TRMT44: variants seen among roughly 807,000 people sequenced by gnomAD.
The protein encoded by TRMT44 is tRNA methyltransferase 44 homolog, also known as probable tRNA (uracil-O(2)-)-methyltransferase.
Under a neutral mutation model 77.3 loss-of-function variants are expected in TRMT44, and 78 were observed. The observed-to-expected ratio is 1.01, with a 90% CI of 0.84 to 1.22. The LOEUF is 1.22. Ranked by LOEUF, TRMT44 falls within the 50% of genes most tolerant of loss-of-function variation. The pLI is 0.00. For synonymous variants in TRMT44, 391 were observed against 383.3 expected (o/e 1.02, Z -0.23); for missense variants, 1,090 against 964.4 (o/e 1.13, Z -1.73).
Position 8,490,714 on chromosome 4 carries a change from C to T in TRMT44, n.3892-2552C>T, listed in dbSNP as rs536610625. Reference sequence around the variant, plus strand: ...CAGTAGCAAGATTTATTGCAAAGAGCGAAAGAACAAAGCTTCCACAGTGTG... The same window carrying T: ...CAGTAGCAAGATTTATTGCAAAGAGTGAAAGAACAAAGCTTCCACAGTGTG... On this transcript the variant is annotated intron_variant and non_coding_transcript_variant, in intron 2 of 2. Transcript: ENST00000511366. Among the ~76,000 whole-genome samples the T allele has an allele frequency of 4.9e-4, 74 of 152,234 alleles. No individual in the cohort carries two copies. The South Asian group carries it at 6.4e-3, about 13-fold the overall frequency.
At chr4:8,485,781 A>G (rs527297471) in intron 2 of TRMT44, among the ~76,000 whole-genome samples, 1 of 152,272 alleles carries the variant, frequency 6.6e-6, no homozygotes, top group East Asian at 1.9e-4. Flanking sequence ...GAGGATAACT[A>G]AAAAAGAGTG....
At chr4:8,455,946 AAGTT>A (rs1371774783) in intron 6 of TRMT44, among the ~76,000 whole-genome samples, 1 of 152,250 alleles carries the variant, frequency 6.6e-6, no homozygotes, top group East Asian at 1.9e-4. Flanking sequence ...AATTCAGAAA[AAGTT>A]AGATATGTCC....
intron 6 of TRMT44, 37 bp downstream of exon 6, chr4:8,454,850 T>C: frequency 1.8e-5 from 28 of 1,590,620 alleles, no homozygotes; most frequent in Non-Finnish European, 2.4e-5. Flanking sequence ...GATCTCAGCA[T>C]GGCTTAGCTC....
At chr4:8,454,606 G>A (rs1328809564) in intron 5 of TRMT44, 136 bp from the exon 6 acceptor site, 2 of 740,652 alleles carry the variant, frequency 2.7e-6, no homozygotes, top group Non-Finnish European at 4.6e-6. Flanking sequence ...CATCAGGATG[G>A]GTATGAGTTG....
chr4:8,456,667 A>G (rs13129077), intron 6 of TRMT44, among the ~76,000 whole-genome samples: 8,823 of 152,284 alleles, frequency 0.058, 307 homozygotes, highest in Middle Eastern at 0.11. Context: ...GGATTGCTAC[A>G]AGAAAAGCAT....
At chr4:8,493,656 C>T (rs1445161707), downstream of TRMT44, 1 of 152,214 alleles carries the variant, frequency 6.6e-6, no homozygotes, top group Non-Finnish European at 1.5e-5. Context: ...GGTCTTCAGT[C>T]TATGTTGGAT....
intron 8 of TRMT44, among the ~76,000 whole-genome samples, chr4:8,465,791 G>A (rs1271640366): frequency 6.6e-6 from 1 of 152,154 alleles, no homozygotes; most frequent in African/African-American, 2.4e-5. Flanking sequence ...AGGAGTCCTC[G>A]CCAAGCCCTC....
chr4:8,446,548 G>A lies in TRMT44; in HGVS notation c.692G>A (p.Ser231Asn). The change falls in exon 2 of 11, where the codon AGC becomes AAC. Residue 231 changes from serine (S) to asparagine (N), a missense_variant. By Grantham distance (46) the Ser-to-Asn change is conservative. Coordinates refer to ENST00000389737, the MANE Select transcript of TRMT44 (RefSeq NM_152544.3). The surrounding 1 kb of genome is among the most constrained non-coding windows in gnomAD (Gnocchi z 4.3). ...DDEGNLKVKM[S>N]NVYQIQLSHS... ...GAGGGGAACCTAAAGGTTAAGATGA[G>A]CAATGTGTATCAAATTCAGCTCAGT... is the stretch of plus-strand genomic sequence containing the variant. 1.3e-6 allele frequency: 2 copies of A among 1,536,312 alleles called. No individual in the cohort carries two copies. The highest frequency in any genetic ancestry group is 1.7e-6 in the Non-Finnish European group (2 of 1,146,864).
chr4:8,442,696 C>G (rs1371866132), intron 1 of TRMT44, among the ~76,000 whole-genome samples: 1 of 152,194 alleles, frequency 6.6e-6, no homozygotes, highest in Non-Finnish European at 1.5e-5. Context: ...TTATGTAGGA[C>G]TGGGGTCCTT....
chr4:8,470,857 T>TG, intron 9 of TRMT44: 2 of 456,242 alleles, frequency 4.4e-6, no homozygotes, highest in Non-Finnish European at 8.0e-6. Context: ...GGGGCATGTG[T>TG]GGGGCTGCGT....
At chr4:8,506,089 C>A in the TRMT44 span, among the ~76,000 whole-genome samples, 30 of 152,340 alleles carry the variant, frequency 2.0e-4, 1 homozygote, top group African/African-American at 7.0e-4. Flanking sequence ...TAGTTGGGGA[C>A]GAGGGCTGTG....
chr4:8,510,349 A>G, the TRMT44 span: 1 of 152,730 alleles, frequency 6.5e-6, no homozygotes, highest in Non-Finnish European at 1.5e-5. Context: ...TTCCGCAGCC[A>G]TGTCCCCCTT....
At chr4:8,487,520 T>C (rs1727849001) in intron 2 of TRMT44, among the ~76,000 whole-genome samples, 1 of 148,220 alleles carries the variant, frequency 6.7e-6, no homozygotes. Flanking sequence ...AAATAAGGGA[T>C]TGGGGTGTAG....
intron 2 of TRMT44, among the ~76,000 whole-genome samples, chr4:8,491,050 G>T (rs1171501898): frequency 6.6e-6 from 1 of 151,414 alleles, no homozygotes; most frequent in African/African-American, 2.4e-5. Flanking sequence ...TACAAACCTT[G>T]AGCTAGATAC....
chr4:8,501,601 G>A, the TRMT44 span, among the ~76,000 whole-genome samples: 1 of 152,144 alleles, frequency 6.6e-6, no homozygotes, highest in Non-Finnish European at 1.5e-5. This position sits in a 1 kb window ranked among gnomAD's most constrained non-coding sequence, Gnocchi z 4.4. Flanking sequence ...TTCACACAAG[G>A]GCCTTCTCAC....
At chr4:8,490,306 G>A (rs368090913) in intron 2 of TRMT44, among the ~76,000 whole-genome samples, 12 of 152,332 alleles carry the variant, frequency 7.9e-5, no homozygotes, top group African/African-American at 2.6e-4. Context: ...ACAGACCCTC[G>A]CGGTGAGTGT....
In TRMT44 at chr4:8,451,823, C is replaced by T; in HGVS notation, c.955-137C>T. ...ATTGTAAGAAACCAGTTGTGAATTC[C>T]TGCCTTTGAGCTTATGTTTCCTATT... On this transcript the variant is annotated intron_variant, in intron 3 of 10. Transcript: ENST00000389737. This position sits in a 1 kb window ranked among gnomAD's most constrained non-coding sequence, Gnocchi z 4.1. The T allele has an allele frequency of 1.3e-6, 1 of 745,810 alleles. No individual in the cohort carries two copies. Among genetic ancestry groups the T allele is most frequent in the Non-Finnish European group, 2.2e-6 (1 of 451,648 alleles). 46.2% of individuals were successfully genotyped at this position (745,810 alleles called of 1,614,324 possible).
At chr4:8,475,725 A>T in intron 10 of TRMT44, 47 bp from the exon 11 acceptor site, 1 of 1,585,284 alleles carries the variant, frequency 6.3e-7, no homozygotes, top group Non-Finnish European at 8.6e-7. Context: ...GAATTAAGGA[A>T]CTTTCAGGTT....
chr4:8,459,093 G>T (rs1228536322), intron 6 of TRMT44, among the ~76,000 whole-genome samples: 1 of 151,964 alleles, frequency 6.6e-6, no homozygotes, highest in African/African-American at 2.4e-5. Flanking sequence ...TCCCAGCTAC[G>T]CGGGAGGCTG....
Sources: gnomAD v4.1 joint callset for allele counts (sites outside exome capture counted in the v4.1 genomes callset) on GRCh38, gnomAD v4.1.1 for gene constraint, Gnocchi (gnomAD v3.1) non-coding constraint, MANE v1.5 for transcripts, NCBI Gene and HGNC (gene_info 2026-07-23, HGNC 2026-07-21) for gene names.